The following SFI1 variants were observed in gnomAD, a reference collection of about 807,000 sequenced individuals.
The protein encoded by SFI1 is SFI1 centrin binding protein.
SFI1 carries 195 observed loss-of-function variants against 207.5 expected under a neutral mutation model. The ratio of observed to expected loss-of-function variants is 0.94; its 90% CI spans 0.84 to 1.06. The LOEUF is 1.06. Among genes scored for constraint, SFI1 ranks in the 50% least tolerant of loss-of-function variants. The pLI is 0.00. For missense variants in SFI1, 1,634 were observed against 1,588.0 expected, an observed-to-expected ratio of 1.03 and a Z score of -0.49; for synonymous variants, 630 against 598.9, an observed-to-expected ratio of 1.05 and a Z score of -0.76.
chr22:31,544,017 C>T (rs560146148), intron 4 of SFI1, among the ~76,000 whole-genome samples: 19 of 151,858 alleles, frequency 1.3e-4, no homozygotes, highest in Non-Finnish European at 2.5e-4. Context: ...GGCGAAAACC[C>T]GTCTCTACTG....
At chr22:31,562,437 C>CAAAAAA (rs528463423) in intron 8 of SFI1, among the ~76,000 whole-genome samples, 1 of 100,002 alleles carries the variant, frequency 1.0e-5, no homozygotes, top group Non-Finnish European at 2.2e-5. Context: ...GGCCCTGTCT[C>CAAAAAA]AAAAAAAAAA....
At chr22:31,548,282 G>A (rs1846575419) in intron 5 of SFI1, among the ~76,000 whole-genome samples, 1 of 151,376 alleles carries the variant, frequency 6.6e-6, no homozygotes, top group South Asian at 2.1e-4. Flanking sequence ...GAAAATATAT[G>A]GGGAAGGCCG....
intron 15 of SFI1, among the ~76,000 whole-genome samples, chr22:31,595,794 T>C (rs1217285876): frequency 6.6e-6 from 1 of 152,102 alleles, no homozygotes; most frequent in Non-Finnish European, 1.5e-5. Context: ...ACTGAAGAGA[T>C]TGGGCTGACC....
chr22:31,613,769 C>T lies in SFI1; in HGVS notation c.2910C>T (p.Gly970=). Residue 970 remains glycine (G), a synonymous_variant, in exon 27 of 33, where the codon GGC becomes GGT. Transcript: ENST00000400288. ...GCATTGCTGCTGGGGCTGGGGATGG[C>T]ACCCTTGAGACCAAGAGGCCACAGG... The part of the protein sequence containing the change: ...LNRIAAGAGD[G]TLETKRPQAS... 1 of 1,612,844 alleles carries T rather than the reference C, an allele frequency of 6.2e-7. No individual in the cohort carries two copies.
At chr22:31,531,936 C>G (rs369077519) in intron 4 of SFI1, among the ~76,000 whole-genome samples, 1 of 151,580 alleles carries the variant, frequency 6.6e-6, no homozygotes, top group African/African-American at 2.4e-5. Context: ...TGGCATATGC[C>G]TATAATCCCA....
chr22:31,501,008 A>C (rs2146359324), intron 1 of SFI1, among the ~76,000 whole-genome samples: 1 of 150,596 alleles, frequency 6.6e-6, no homozygotes, highest in South Asian at 2.1e-4. Context: ...CATATTGGCC[A>C]GGCTGGTCTC....
chr22:31,595,715 C>A, intron 15 of SFI1, among the ~76,000 whole-genome samples: 1 of 152,176 alleles, frequency 6.6e-6, no homozygotes, highest in South Asian at 2.1e-4. Context: ...ATGGAAGTAT[C>A]TGGGAGAGGC....
rs776647555 is a variant in SFI1, at chr22:31,564,814, A to ATTTTTTTTTTTT, written c.765+3428_765+3439dup. The stretch of plus-strand genomic sequence containing the variant: ...CATGAGCCACCATGCCTGGCCCAGA[A>ATTTTTTTTTTTT]TTTTTTTTTTTTTTTTTGAGACGGA... On this transcript the variant is annotated intron_variant, in intron 8 of 32. Transcript: ENST00000400288. 1.3e-3 allele frequency among the ~76,000 whole-genome samples: 149 copies of ATTTTTTTTTTTT among 111,884 alleles called. 3 individuals are homozygous for ATTTTTTTTTTTT. The highest frequency in any genetic ancestry group is 1.7e-3 in the African/African-American group (46 of 26,340). The allele number at this position is 111,884 out of a possible 152,430, so 73.4% of individuals were successfully genotyped here. A position where few individuals can be genotyped will look rare whatever the true frequency, so the allele number is the denominator to read the frequency against.
Position 31,505,210 on chromosome 22 carries a change from G to A in SFI1, c.-30-3045G>A, listed in dbSNP as rs559658719. On this transcript the variant is annotated intron_variant, in intron 1 of 32. Transcript: ENST00000400288. ...TCCCAGCACTTTGGGAGGCCGAGGT[G>A]GGCAGATCATTTAAGGTCAGGAGTT... Among the ~76,000 whole-genome samples the A allele has an allele frequency of 5.3e-5, 8 of 151,976 alleles. No individual in the cohort carries two copies. In the South Asian group the frequency reaches 6.2e-4, roughly 12 times the overall value.
At chr22:31,535,669 C>T (rs923907932) in intron 4 of SFI1, among the ~76,000 whole-genome samples, 2 of 152,072 alleles carry the variant, frequency 1.3e-5, no homozygotes, top group Admixed American at 6.6e-5. Flanking sequence ...CAGACGTGCA[C>T]CACCATGCCC....
chr22:31,589,605 G>T, intron 15 of SFI1, 28 bp downstream of exon 15: 1 of 1,588,088 alleles, frequency 6.3e-7, no homozygotes, highest in South Asian at 1.1e-5. Flanking sequence ...TGTCTGCACT[G>T]GGGCAGGTGT....
chr22:31,615,105 G>A lies in SFI1; in HGVS notation c.3126G>A (p.Leu1042=). The change falls in exon 29 of 33, where the codon CTG becomes CTA. Residue 1042 remains leucine (L), a synonymous_variant. Transcript: ENST00000400288. ...TGGCTCAGCCAGCAGCCCCCTCCCT[G>A]ACGCGGCCCTTCCTGGCAGAGGCCC... ...LGMAQPAAPS[L]TRPFLAEAPT... 7 of 1,606,546 alleles carry A rather than the reference G, an allele frequency of 4.4e-6. No homozygotes were observed. The highest frequency in any genetic ancestry group is 2.7e-5 in the African/African-American group (2 of 74,780).
At chr22:31,514,041 G>A (rs2056078742) in intron 2 of SFI1, among the ~76,000 whole-genome samples, 1 of 151,506 alleles carries the variant, frequency 6.6e-6, no homozygotes, top group Non-Finnish European at 1.5e-5. Flanking sequence ...AGCTGAGGCA[G>A]GAGAATCACT....
At chr22:31,611,386 G>T in intron 23 of SFI1, 83 bp downstream of exon 23, 5 of 1,447,394 alleles carry the variant, frequency 3.5e-6, no homozygotes, top group Non-Finnish European at 3.7e-6. Context: ...TCAGGAAGGG[G>T]TCTTTCCTGA....
chr22:31,600,136 C>T (rs1374330420), intron 15 of SFI1, among the ~76,000 whole-genome samples: 1 of 152,194 alleles, frequency 6.6e-6, no homozygotes, highest in East Asian at 1.9e-4. Context: ...AATCCTCCTG[C>T]CTCAGCCTCC....
At chr22:31,584,829 G>C (rs138883666) in intron 13 of SFI1, among the ~76,000 whole-genome samples, 1 of 152,006 alleles carries the variant, frequency 6.6e-6, no homozygotes, top group African/African-American at 2.4e-5. Flanking sequence ...CTGTGCTTTC[G>C]GTGGTCTAAT....
chr22:31,500,793 GTTTTTGTTTTTTGT>G (rs902821996), intron 1 of SFI1, among the ~76,000 whole-genome samples: 4 of 44,630 alleles, frequency 9.0e-5, no homozygotes, highest in South Asian at 5.7e-4. Flanking sequence ...TGTTTGTTTT[GTTTTTGTTTTTTGT>G]TTTTTTTTTT....
intron 6 of SFI1, among the ~76,000 whole-genome samples, chr22:31,554,386 G>A (rs926319123): frequency 1.1e-3 from 164 of 151,830 alleles, no homozygotes; most frequent in African/African-American, 3.8e-3. Context: ...TCGGCTCACC[G>A]CAAGCTCCAC....
intron 8 of SFI1, among the ~76,000 whole-genome samples, chr22:31,561,801 G>T (rs765462759): frequency 6.6e-6 from 1 of 152,194 alleles, no homozygotes; most frequent in Admixed American, 6.5e-5. Context: ...TTGTCTTAGA[G>T]TGTTCTTTTA....
Sources: gnomAD v4.1 joint callset for allele counts (sites outside exome capture counted in the v4.1 genomes callset) on GRCh38, gnomAD v4.1.1 for gene constraint, MANE v1.5 for transcripts, NCBI Gene and HGNC (gene_info 2026-07-23, HGNC 2026-07-21) for gene names.